Variants in DCC observed in about 807,000 individuals in gnomAD.
DCC encodes netrin receptor DCC.
A neutral mutation model predicts 172.5 loss-of-function variants in DCC; 58 were observed. The observed-to-expected ratio is 0.34, with a 90% CI of 0.27 to 0.42. The LOEUF is 0.42. Among genes scored for constraint, DCC ranks in the 10% least tolerant of loss-of-function variants. The probability of loss-of-function intolerance (pLI) is 1.00; values close to 1 mark genes in which losing one functional copy is unlikely to be tolerated. For synonymous variants in DCC, 709 were observed against 644.5 expected, an observed-to-expected ratio of 1.10 and a Z score of -1.52; for missense variants, 1,740 against 1,791.0, an observed-to-expected ratio of 0.97 and a Z score of 0.51.
chr18:53,082,020 A>G (rs1044080069), intron 7 of DCC, among the ~76,000 whole-genome samples: 10 of 152,088 alleles, frequency 6.6e-5, no homozygotes, highest in Admixed American at 3.3e-4. Context: ...GTAATTTACA[A>G]TCTAAGAGTG....
intron 7 of DCC, among the ~76,000 whole-genome samples, chr18:53,079,931 T>C (rs1178574683): frequency 6.6e-6 from 1 of 152,172 alleles, no homozygotes; most frequent in Admixed American, 6.6e-5. Context: ...TCTTTTAGAA[T>C]ATACAAAGAA....
chr18:53,201,744 C>T (rs888241938), intron 9 of DCC, among the ~76,000 whole-genome samples: 8 of 152,094 alleles, frequency 5.3e-5, no homozygotes, highest in Admixed American at 1.3e-4. Flanking sequence ...TAAGACTCCT[C>T]GTTGTTCAAC....
At chr18:53,382,104 A>ACACACACACACCCC (rs770734401) in intron 15 of DCC, among the ~76,000 whole-genome samples, 10 of 52,952 alleles carry the variant, frequency 1.9e-4, no homozygotes, top group African/African-American at 4.1e-4. Context: ...ACACACACAC[A>ACACACACACACCCC]CCCCTACCTC....
chr18:52,995,487 T>G (rs916385359), intron 5 of DCC, among the ~76,000 whole-genome samples: 1 of 12,944 alleles, frequency 7.7e-5, no homozygotes, highest in Admixed American at 5.5e-4. Flanking sequence ...AGTTTTTTGT[T>G]TTTTTTTTTC....
intron 5 of DCC, among the ~76,000 whole-genome samples, chr18:52,927,410 C>T (rs8092664): frequency 6.6e-6 from 1 of 151,282 alleles, no homozygotes; most frequent in South Asian, 2.1e-4. Flanking sequence ...ATAATTATTT[C>T]CACTACAGGC....
At chr18:53,518,867 G>A (rs1436004217) in intron 27 of DCC, among the ~76,000 whole-genome samples, 1 of 152,024 alleles carries the variant, frequency 6.6e-6, no homozygotes, top group Non-Finnish European at 1.5e-5. Flanking sequence ...CCTCAGAAAC[G>A]TAATACCACT....
intron 15 of DCC, among the ~76,000 whole-genome samples, chr18:53,354,614 G>GT (rs926403861): frequency 6.6e-6 from 1 of 151,822 alleles, no homozygotes; most frequent in East Asian, 1.9e-4. Context: ...GGGCTTCTTT[G>GT]TTTTTTTCTT....
intron 2 of DCC, among the ~76,000 whole-genome samples, chr18:52,850,636 TC>T (rs1375614260): frequency 1.3e-5 from 2 of 152,116 alleles, no homozygotes; most frequent in African/African-American, 4.8e-5. Context: ...CCCCACTTAT[TC>T]CTTGGGGAAC....
chr18:53,114,390 G>A (rs1217096950), intron 7 of DCC, among the ~76,000 whole-genome samples: 2 of 151,558 alleles, frequency 1.3e-5, no homozygotes, highest in Non-Finnish European at 3.0e-5. Context: ...GCACTCTCCT[G>A]AGTATCAGTA....
Position 53,526,533 on chromosome 18 carries a change from C to T in DCC, c.4112-84C>T, listed in dbSNP as rs1598850897. The T allele has an allele frequency of 1.2e-5, 17 of 1,400,124 alleles. No individual in the cohort carries two copies. In the East Asian group the frequency reaches 3.4e-4, roughly 28 times the overall value. The allele number at this position is 1,400,124 out of a possible 1,614,324, so 86.7% of individuals were successfully genotyped here. On this transcript the variant is annotated intron_variant, in intron 27 of 28. Coordinates refer to ENST00000442544, the MANE Select transcript of DCC (RefSeq NM_005215.4). Reference sequence around the variant, plus strand: ...GCAATAACCTAAAATCAATGCCAATCTCCTGGATATGGTGTATATACTTGA... The same window carrying T: ...GCAATAACCTAAAATCAATGCCAATTTCCTGGATATGGTGTATATACTTGA...
At chr18:52,671,319 G>GTGAC (rs575084438) in intron 1 of DCC, among the ~76,000 whole-genome samples, 85 of 152,216 alleles carry the variant, frequency 5.6e-4, no homozygotes, top group Non-Finnish European at 1.1e-3. Flanking sequence ...GATTCTAAAA[G>GTGAC]TGACACATTT....
chr18:53,027,109 G>A (rs1599042191), intron 5 of DCC, among the ~76,000 whole-genome samples: 1 of 152,140 alleles, frequency 6.6e-6, no homozygotes. Context: ...TCTTTCTCAT[G>A]TCTCTTATTC....
At chr18:53,130,196 T>G (rs979925140) in intron 7 of DCC, among the ~76,000 whole-genome samples, 2 of 152,134 alleles carry the variant, frequency 1.3e-5, no homozygotes, top group Non-Finnish European at 2.9e-5. Context: ...AAAATTGTGT[T>G]AGTAGGCAAC....
At chr18:52,786,862 G>A (rs934692056) in intron 2 of DCC, among the ~76,000 whole-genome samples, 29 of 152,046 alleles carry the variant, frequency 1.9e-4, no homozygotes, top group Non-Finnish European at 8.8e-5. Flanking sequence ...TCCTTAAAGG[G>A]AAGCATATAC....
intron 5 of DCC, among the ~76,000 whole-genome samples, chr18:53,026,782 T>C (rs978780122): frequency 2.0e-5 from 3 of 152,034 alleles, no homozygotes; most frequent in Non-Finnish European, 2.9e-5. Flanking sequence ...AGGCTGGTCT[T>C]GAACTCCTGG....
intron 2 of DCC, among the ~76,000 whole-genome samples, chr18:52,797,807 A>G (rs1204779765): frequency 1.3e-5 from 2 of 152,190 alleles, no homozygotes; most frequent in Non-Finnish European, 2.9e-5. Context: ...GCTGGCTGTG[A>G]TGGATGGGGC....
At chr18:53,121,425 A>G (rs927703389) in intron 7 of DCC, among the ~76,000 whole-genome samples, 4 of 151,900 alleles carry the variant, frequency 2.6e-5, no homozygotes, top group Non-Finnish European at 5.9e-5. Flanking sequence ...ATCCAAGTGC[A>G]CATTTCTTAT....
intron 21 of DCC, among the ~76,000 whole-genome samples, chr18:53,433,828 TCA>T (rs1354466027): frequency 6.6e-6 from 1 of 152,148 alleles, no homozygotes; most frequent in Non-Finnish European, 1.5e-5. Context: ...CCTTACATAC[TCA>T]CAGTCATTGT....
At chr18:53,392,935 G>A (rs528312584) in intron 17 of DCC, among the ~76,000 whole-genome samples, 6 of 152,236 alleles carry the variant, frequency 3.9e-5, no homozygotes, top group Admixed American at 2.6e-4. Context: ...TTGAAAATAA[G>A]AGCATAAATG....
Sources: gnomAD v4.1 joint callset for allele counts (sites outside exome capture counted in the v4.1 genomes callset) on GRCh38, gnomAD v4.1.1 for gene constraint, MANE v1.5 for transcripts, NCBI Gene and HGNC (gene_info 2026-07-23, HGNC 2026-07-21) for gene names.